Variants in GNA12 observed in about 807,000 individuals in gnomAD.
GNA12 encodes G protein subunit alpha 12.
Under a neutral mutation model 26.0 loss-of-function variants are expected in GNA12, and 9 were observed. The ratio of observed to expected loss-of-function variants is 0.35; its 90% CI spans 0.21 to 0.60. The LOEUF (loss-of-function observed/expected upper bound fraction) is 0.60. Among genes scored for constraint, GNA12 ranks in the 20% least tolerant of loss-of-function variants. GNA12 has a pLI of 0.78. For missense variants in GNA12, 405 were observed against 525.8 expected, an observed-to-expected ratio of 0.77 and a Z score of 2.25; for synonymous variants, 264 against 219.6, an observed-to-expected ratio of 1.20 and a Z score of -1.79.
intron 2 of GNA12, among the ~76,000 whole-genome samples, chr7:2,738,328 A>C (rs2115315805): frequency 6.6e-6 from 1 of 152,234 alleles, no homozygotes; most frequent in East Asian, 1.9e-4. Context: ...GCAGAAATAC[A>C]AAGTGACGCA....
At chr7:2,762,457 T>C (rs1583255208) in intron 2 of GNA12, 1 of 558,406 alleles carries the variant, frequency 1.8e-6, no homozygotes, top group South Asian at 3.5e-5. Context: ...AACTCCAAAG[T>C]CCAGCCTCTG....
At chr7:2,759,780 A>C (rs1314283823) in intron 2 of GNA12, among the ~76,000 whole-genome samples, 1 of 152,246 alleles carries the variant, frequency 6.6e-6, no homozygotes, top group Non-Finnish European at 1.5e-5. Flanking sequence ...AGGCCATGAA[A>C]AAAACTGTCC....
intron 2 of GNA12, among the ~76,000 whole-genome samples, chr7:2,739,382 T>C (rs1391481251): frequency 1.3e-5 from 2 of 152,204 alleles, no homozygotes; most frequent in Non-Finnish European, 2.9e-5. Context: ...TCACACAGCA[T>C]GCAGCCCTTT....
rs745875941 is a variant in GNA12, at chr7:2,731,430, G to A, written c.897C>T (p.Asp299=). 5 of 1,613,436 alleles carry A rather than the reference G, an allele frequency of 3.1e-6. No homozygotes were observed. The African/African-American group carries it at 6.7e-5, about 22-fold the overall frequency. Residue 299 remains aspartate (D), a synonymous_variant, in exon 4 of 4, where the codon GAC becomes GAT. Transcript: ENST00000275364. The surrounding 1 kb of genome is among the most constrained non-coding windows in gnomAD (Gnocchi z 6.0). ...CGGTCTTCACCTTCTCCACCAGGAGGTCCATCTTGTTGAGGAAGAGAATGA... is the reference window on the plus strand; with the variant it reads ...CGGTCTTCACCTTCTCCACCAGGAGATCCATCTTGTTGAGGAAGAGAATGA... The part of the protein sequence containing the change: ...VSIILFLNKM[D]LLVEKVKTVS...
intron 2 of GNA12, among the ~76,000 whole-genome samples, chr7:2,785,620 T>A (rs939548040): frequency 1.3e-5 from 2 of 152,196 alleles, no homozygotes; most frequent in Non-Finnish European, 2.9e-5. Flanking sequence ...AGTGATGCGG[T>A]CTTCATGTGT....
chr7:2,841,378 C>T (rs1435913191), intron 1 of GNA12, among the ~76,000 whole-genome samples: 1 of 152,162 alleles, frequency 6.6e-6, no homozygotes, highest in African/African-American at 2.4e-5. Flanking sequence ...GACAGTCAAA[C>T]TGCTATACTT....
At chr7:2,742,048 G>C (rs4722030) in intron 2 of GNA12, among the ~76,000 whole-genome samples, 4 of 151,242 alleles carry the variant, frequency 2.6e-5, no homozygotes, top group Non-Finnish European at 5.9e-5. Context: ...TTGAGATGGA[G>C]TCTCACCCTG....
intron 1 of GNA12, among the ~76,000 whole-genome samples, chr7:2,810,577 T>C (rs536018860): frequency 2.6e-5 from 4 of 152,286 alleles, no homozygotes; most frequent in Admixed American, 1.3e-4. Context: ...GGATTCCAAA[T>C]GATGGACCTC....
chr7:2,733,396 G>A (rs1037572187), intron 3 of GNA12, 55 bp downstream of exon 3: 1 of 1,395,838 alleles, frequency 7.2e-7, no homozygotes, highest in African/African-American at 1.8e-5. Flanking sequence ...TTTGGTCTCT[G>A]GACACGTTTT....
Position 2,753,463 on chromosome 7 carries a change from T to G in GNA12, c.526-19962A>C, listed in dbSNP as rs573856822. On this transcript the variant is annotated intron_variant, in intron 2 of 3. Transcript: ENST00000275364. ...GCATGTGGCCTTTGGAAGTTGGCTT[T>G]TTTCACTCAACATAATGTCCTTGGG... Among the ~76,000 whole-genome samples, 3 of 152,322 alleles carry G rather than the reference T, an allele frequency of 2.0e-5. No homozygotes were observed. In the East Asian group the frequency reaches 5.8e-4, roughly 29 times the overall value.
In GNA12 at chr7:2,728,750, A is replaced by G. The variant is rs1370356446; in HGVS notation, c.*2431T>C. On this transcript the variant is annotated 3_prime_UTR_variant, in exon 4 of 4. Coordinates refer to ENST00000275364, the MANE Select transcript of GNA12 (RefSeq NM_007353.3). Reference sequence around the variant, plus strand: ...GTAGCCAAGTTGTGAATGACAGTTTAGCCTTGCAGAGTTTCCTTCTTCTCC... The same window carrying G: ...GTAGCCAAGTTGTGAATGACAGTTTGGCCTTGCAGAGTTTCCTTCTTCTCC... The G allele has an allele frequency of 6.6e-6, 1 of 152,468 alleles. No individual in the cohort carries two copies. Among genetic ancestry groups the G allele is most frequent in the South Asian group, 2.1e-4 (1 of 4,838 alleles). The allele number at this position is 152,468 out of a possible 1,614,324, so 9.4% of individuals were successfully genotyped here.
At chr7:2,757,763 C>T (rs940313323) in intron 2 of GNA12, among the ~76,000 whole-genome samples, 7 of 152,224 alleles carry the variant, frequency 4.6e-5, no homozygotes, top group African/African-American at 1.7e-4. Flanking sequence ...GTCATCTTCC[C>T]TGCACATTCT....
intron 2 of GNA12, among the ~76,000 whole-genome samples, chr7:2,761,321 TG>T (rs1791543886): frequency 1.3e-5 from 2 of 152,226 alleles, no homozygotes; most frequent in Non-Finnish European, 2.9e-5. Context: ...CAGAGCCGTC[TG>T]CTGGCTATGC....
rs572059666 is a variant in GNA12 at position 2,728,845 on chromosome 7, G to A, written c.*2336C>T. ...CGTTCTAATTCACCCCGGTCATGAG[G>A]AGGAGGAGGAGGAAGTCCAGCTCAG... On this transcript the variant is annotated 3_prime_UTR_variant, in exon 4 of 4. Coordinates refer to ENST00000275364, the MANE Select transcript of GNA12 (RefSeq NM_007353.3). 152 of 152,298 alleles carry A rather than the reference G, an allele frequency of 1.0e-3. No homozygotes were observed. The highest frequency in any genetic ancestry group is 2.6e-3 in the Admixed American group (39 of 15,276). The allele number at this position is 152,298 out of a possible 1,614,324, so 9.4% of individuals were successfully genotyped here.
At chr7:2,742,471 C>A (rs1242948900) in intron 2 of GNA12, among the ~76,000 whole-genome samples, 2 of 152,192 alleles carry the variant, frequency 1.3e-5, no homozygotes, top group Non-Finnish European at 2.9e-5. Flanking sequence ...TCAACAAGAG[C>A]CCTGCTCCTG....
At chr7:2,770,931 C>A (rs1791932275) in intron 2 of GNA12, among the ~76,000 whole-genome samples, 1 of 152,170 alleles carries the variant, frequency 6.6e-6, no homozygotes, top group Admixed American at 6.5e-5. Context: ...ACTGCAAGCG[C>A]CAGGCTCTGA....
chr7:2,826,412 C>T (rs1287496261), intron 1 of GNA12, among the ~76,000 whole-genome samples: 2 of 149,046 alleles, frequency 1.3e-5, no homozygotes, highest in Admixed American at 1.3e-4. Flanking sequence ...AAAGCAAATA[C>T]TTGTACCATA....
intron 2 of GNA12, among the ~76,000 whole-genome samples, chr7:2,759,606 C>T (rs1791464371): frequency 6.6e-6 from 1 of 152,216 alleles, no homozygotes; most frequent in Admixed American, 6.5e-5. Flanking sequence ...TTATGAATTA[C>T]TGTTGATGTT....
chr7:2,744,563 T>A lies in GNA12; in HGVS notation c.526-11062A>T, dbSNP rs534816521. Among the ~76,000 whole-genome samples, 28 of 151,856 alleles carry A rather than the reference T, an allele frequency of 1.8e-4. No individual in the cohort carries two copies. In the East Asian group the frequency reaches 2.7e-3, roughly 15 times the overall value. ...CCAAAGGTAGAAAAGACCACAAAGATGGGGAAAAAACAGAGCAGAAAAACT... is the reference window on the plus strand; with the variant it reads ...CCAAAGGTAGAAAAGACCACAAAGAAGGGGAAAAAACAGAGCAGAAAAACT... On this transcript the variant is annotated intron_variant, in intron 2 of 3. Coordinates refer to ENST00000275364, the MANE Select transcript of GNA12 (RefSeq NM_007353.3).
Sources: allele counts gnomAD v4.1 joint callset (sites outside exome capture counted in the v4.1 genomes callset), GRCh38; gene constraint gnomAD v4.1.1; non-coding constraint Gnocchi (gnomAD v3.1); transcripts MANE v1.5; gene names NCBI Gene and HGNC (gene_info 2026-07-23, HGNC 2026-07-21).